The following PTPRD variants were observed in gnomAD, a reference collection of about 807,000 sequenced individuals.
PTPRD encodes the protein receptor-type tyrosine-protein phosphatase delta.
In PTPRD, 34 loss-of-function variants were observed where a neutral mutation model predicts 214.5. The observed-to-expected ratio is 0.16, with a 90% CI of 0.12 to 0.21. The LOEUF is 0.21. PTPRD is among the 10% of genes least tolerant of loss of function. The pLI, the probability that PTPRD is intolerant of heterozygous loss-of-function variation, is 1.00. For synonymous variants in PTPRD, 1,128 were observed against 845.7 expected (o/e 1.33, Z -5.79); for missense variants, 2,545 against 2,398.7 (o/e 1.06, Z -1.27).
chr9:10,194,685 A>G (rs377631948), intron 3 of PTPRD, among the ~76,000 whole-genome samples: 1 of 133,490 alleles, frequency 7.5e-6, no homozygotes. Context: ...ACAATTACAT[A>G]CATTGGTTAC....
At chr9:9,411,926 C>T (rs544103023) in intron 8 of PTPRD, among the ~76,000 whole-genome samples, 4 of 152,190 alleles carry the variant, frequency 2.6e-5, no homozygotes, top group Non-Finnish European at 5.9e-5. Flanking sequence ...ATCACTTAGA[C>T]CAACCCTGTC....
At chr9:8,578,676 C>CA (rs530894535) in intron 14 of PTPRD, among the ~76,000 whole-genome samples, 136 of 152,236 alleles carry the variant, frequency 8.9e-4, no homozygotes, top group African/African-American at 3.2e-3. Context: ...ATCTAAATGG[C>CA]AAAGTGTTTG....
At chr9:10,188,132 A>T (rs890375523) in intron 3 of PTPRD, among the ~76,000 whole-genome samples, 1 of 152,162 alleles carries the variant, frequency 6.6e-6, no homozygotes, top group Non-Finnish European at 1.5e-5. Flanking sequence ...AAGTCATTTC[A>T]TTTATGCGGT....
At chr9:10,577,036 T>C (rs997962120) in intron 2 of PTPRD, among the ~76,000 whole-genome samples, 5 of 152,174 alleles carry the variant, frequency 3.3e-5, no homozygotes, top group Non-Finnish European at 5.9e-5. Context: ...AAATAAATTG[T>C]TCTTTAAAAT....
intron 5 of PTPRD, among the ~76,000 whole-genome samples, chr9:9,924,920 G>C (rs970580994): frequency 1.3e-5 from 2 of 152,054 alleles, no homozygotes; most frequent in African/African-American, 4.8e-5. Flanking sequence ...TAGCTAGAGT[G>C]CATGAAATAC....
At chr9:10,100,961 T>C (rs772301095) in intron 3 of PTPRD, among the ~76,000 whole-genome samples, 4 of 151,794 alleles carry the variant, frequency 2.6e-5, no homozygotes, top group Non-Finnish European at 4.4e-5. Context: ...GTCTTCATTG[T>C]TGCTTCCTCA....
chr9:10,521,163 G>A (rs1442700079), intron 2 of PTPRD, among the ~76,000 whole-genome samples: 2 of 152,006 alleles, frequency 1.3e-5, no homozygotes, highest in Admixed American at 1.3e-4. Context: ...TGTGACTCAT[G>A]GGAGCAGATC....
At chr9:9,052,175 G>C (rs1156495452) in intron 10 of PTPRD, among the ~76,000 whole-genome samples, 1 of 152,098 alleles carries the variant, frequency 6.6e-6, no homozygotes, top group East Asian at 1.9e-4. Flanking sequence ...TGGCAGAAGG[G>C]GCAAGGGAGC....
chr9:8,431,611 A>C (rs142378395), intron 35 of PTPRD, among the ~76,000 whole-genome samples: 3 of 152,316 alleles, frequency 2.0e-5, no homozygotes, highest in African/African-American at 7.2e-5. Flanking sequence ...GAAAATGGTG[A>C]AATGAAGACT....
intron 9 of PTPRD, among the ~76,000 whole-genome samples, chr9:9,371,298 T>C (rs1194156086): frequency 1.3e-5 from 2 of 152,158 alleles, no homozygotes; most frequent in African/African-American, 4.8e-5. Context: ...GAGCCTGTTA[T>C]TGGTCTATTC....
Position 8,857,371 on chromosome 9 carries a change from C to T in PTPRD, c.-103-123425G>A, listed in dbSNP as rs946601893. On this transcript the variant is annotated intron_variant, in intron 11 of 45. Transcript: ENST00000381196. ...AGCGGGGGTCGCACAAATACACATA[C>T]CCGGACACCCCCATTCTCTAGAGTC... Among the ~76,000 whole-genome samples, 4 of 152,054 alleles carry T rather than the reference C, an allele frequency of 2.6e-5. No individual in the cohort carries two copies. In the East Asian group the frequency reaches 7.7e-4, roughly 29 times the overall value.
At chr9:9,351,635 CAT>C (rs1196765075) in intron 9 of PTPRD, among the ~76,000 whole-genome samples, 12 of 152,000 alleles carry the variant, frequency 7.9e-5, no homozygotes, top group East Asian at 1.9e-4. Flanking sequence ...GAAAGATACA[CAT>C]GTTAGCTGAG....
chr9:9,431,153 A>T (rs1266000636), intron 8 of PTPRD, among the ~76,000 whole-genome samples: 1 of 152,256 alleles, frequency 6.6e-6, no homozygotes, highest in African/African-American at 2.4e-5. Flanking sequence ...CAATCTACCC[A>T]TCTGACAAAG....
intron 8 of PTPRD, among the ~76,000 whole-genome samples, chr9:9,453,427 C>A (rs1481566677): frequency 6.6e-6 from 1 of 151,608 alleles, no homozygotes; most frequent in Non-Finnish European, 1.5e-5. Context: ...TTTACCACAT[C>A]ATTATCACCA....
chr9:9,053,432 A>G (rs1275331578), intron 10 of PTPRD, among the ~76,000 whole-genome samples: 1 of 152,120 alleles, frequency 6.6e-6, no homozygotes, highest in Non-Finnish European at 1.5e-5. Flanking sequence ...TGTCTGCTCT[A>G]TACAAATAAC....
intron 4 of PTPRD, among the ~76,000 whole-genome samples, chr9:9,990,404 T>C (rs1555438697): frequency 6.6e-6 from 1 of 152,194 alleles, no homozygotes; most frequent in Non-Finnish European, 1.5e-5. Flanking sequence ...TATGGAGGTG[T>C]CATTTTCACC....
At chr9:9,672,202 T>G (rs539408106) in intron 7 of PTPRD, among the ~76,000 whole-genome samples, 56 of 152,186 alleles carry the variant, frequency 3.7e-4, no homozygotes, top group Non-Finnish European at 7.3e-4. Context: ...TGATTCCATA[T>G]TAAAACCACA....
chr9:9,282,675 C>T (rs1048415339), intron 9 of PTPRD, among the ~76,000 whole-genome samples: 7 of 151,406 alleles, frequency 4.6e-5, no homozygotes, highest in Admixed American at 6.6e-5. Context: ...AACTAACTTA[C>T]TACTTAGCAG....
intron 2 of PTPRD, among the ~76,000 whole-genome samples, chr9:10,538,562 A>G (rs1041432995): frequency 2.4e-4 from 36 of 152,116 alleles, no homozygotes; most frequent in African/African-American, 8.2e-4. Context: ...CAGTTTTCCT[A>G]CATGATTGGT....
Sources: allele counts gnomAD v4.1 joint callset (sites outside exome capture counted in the v4.1 genomes callset), GRCh38; gene constraint gnomAD v4.1.1; transcripts MANE v1.5; gene names NCBI Gene and HGNC (gene_info 2026-07-23, HGNC 2026-07-21).